Variants in TUBGCP6 observed in about 807,000 individuals in gnomAD.
The protein encoded by TUBGCP6 is gamma-tubulin complex component 6.
Under a neutral mutation model 175.8 loss-of-function variants are expected in TUBGCP6, and 161 were observed. The ratio of observed to expected loss-of-function variants is 0.92; its 90% CI spans 0.81 to 1.04. TUBGCP6 has a LOEUF of 1.04. TUBGCP6 is among the 50% of genes least tolerant of loss of function. The pLI is 0.00. For synonymous variants in TUBGCP6, 1,173 were observed against 1,030.5 expected, an observed-to-expected ratio of 1.14 and a Z score of -2.65; for missense variants, 2,572 against 2,433.0, an observed-to-expected ratio of 1.06 and a Z score of -1.20.
chr22:50,228,642 C>G (rs1282771629), intron 4 of TUBGCP6, among the ~76,000 whole-genome samples: 1 of 152,110 alleles, frequency 6.6e-6, no homozygotes, highest in Non-Finnish European at 1.5e-5. Flanking sequence ...GCTCTGACCC[C>G]TTCTCCACCA....
intron 17 of TUBGCP6, 50 bp from the exon 18 acceptor site, chr22:50,219,841 A>C: frequency 6.2e-7 from 1 of 1,605,292 alleles, no homozygotes. Context: ...CGCTGTCCCC[A>C]CAACCAGCTT....
chr22:50,222,024 T>G lies in TUBGCP6; in HGVS notation c.2484+4A>C, dbSNP rs1482718185. 1.2e-6 allele frequency: 2 copies of G among 1,613,830 alleles called. No individual in the cohort carries two copies. The highest frequency in any genetic ancestry group is 4.5e-5 in the East Asian group (2 of 44,888). On this transcript the variant is annotated splice_donor_region_variant and intron_variant, in intron 15 of 24. Coordinates refer to ENST00000248846, the MANE Select transcript of TUBGCP6 (RefSeq NM_020461.4). ...GGCACCCTGGGTTCCACTCTGCCGC[T>G]TACCTGGGGGTGCACGCTCAAGAGG...
chr22:50,242,445 C>A (rs1195593952), intron 1 of TUBGCP6, among the ~76,000 whole-genome samples: 1 of 151,994 alleles, frequency 6.6e-6, no homozygotes, highest in African/African-American at 2.4e-5. Flanking sequence ...TGCAGTGAGC[C>A]GAGACCACAC....
At chr22:50,226,469 G>T in intron 7 of TUBGCP6, 91 bp from the exon 8 acceptor site, 1 of 1,241,356 alleles carries the variant, frequency 8.1e-7, no homozygotes, top group Non-Finnish European at 1.1e-6. Flanking sequence ...GGGCGTGGCT[G>T]TCAGTGAGGG....
rs13057962 is a variant in TUBGCP6 at position 50,226,981 on chromosome 22, C to T, written c.1491+18G>A. Reference sequence around the variant, plus strand: ...GAGCCCACCAGGCTGACACACTCGGCAGGGACGCACAACTCACGGTGGGAA... The same window carrying T: ...GAGCCCACCAGGCTGACACACTCGGTAGGGACGCACAACTCACGGTGGGAA... On this transcript the variant is annotated intron_variant, in intron 6 of 24. Transcript: ENST00000248846. 1 of 1,609,378 alleles carries T rather than the reference C, an allele frequency of 6.2e-7. No homozygotes were observed. Among genetic ancestry groups the T allele is most frequent in the Non-Finnish European group, 8.5e-7 (1 of 1,178,286 alleles).
At chr22:50,230,821 C>A (rs2064678401) in intron 3 of TUBGCP6, among the ~76,000 whole-genome samples, 1 of 150,168 alleles carries the variant, frequency 6.7e-6, no homozygotes, top group South Asian at 2.1e-4. Context: ...CAGTGGCTCA[C>A]ATCTGTAATC....
Position 50,240,381 on chromosome 22 carries a change from G to A in TUBGCP6, c.742-14C>T, listed in dbSNP as rs774527811. The A allele has an allele frequency of 6.2e-6, 10 of 1,611,080 alleles. No individual in the cohort carries two copies. Among genetic ancestry groups the A allele is most frequent in the Non-Finnish European group, 8.5e-6 (10 of 1,178,936 alleles). On this transcript the variant is annotated splice_polypyrimidine_tract_variant and intron_variant, in intron 1 of 24. Coordinates refer to ENST00000248846, the MANE Select transcript of TUBGCP6 (RefSeq NM_020461.4). ...ACTCGGTGGGACCTGGAGACACAGG[G>A]AAGGGCAAACCGCCACTTATTGCTG...
At chr22:50,232,927 C>T (rs2064712474) in intron 3 of TUBGCP6, among the ~76,000 whole-genome samples, 1 of 152,220 alleles carries the variant, frequency 6.6e-6, no homozygotes, top group African/African-American at 2.4e-5. Flanking sequence ...GATGACACCG[C>T]ATCCAGTGAG....
chr22:50,230,810 G>A (rs965018798), intron 3 of TUBGCP6, among the ~76,000 whole-genome samples: 20 of 149,540 alleles, frequency 1.3e-4, no homozygotes, highest in African/African-American at 2.2e-4. Flanking sequence ...CAGGCTGGAC[G>A]CAGTGGCTCA....
In TUBGCP6 at chr22:50,221,458, T is replaced by C. The variant is rs1228438257; in HGVS notation, c.2901A>G (p.Pro967=). The change falls in exon 16 of 25, where the codon CCA becomes CCG. Residue 967 remains proline (P), a synonymous_variant. Transcript: ENST00000248846. ...LRPAVATSPA[P]GPLQAAECSL... Reference sequence around the variant, plus strand: ...TGCACTCTGCAGCCTGCAGGGGCCCTGGTGCAGGTGAGGTGGCCACAGCTG... The same window carrying C: ...TGCACTCTGCAGCCTGCAGGGGCCCCGGTGCAGGTGAGGTGGCCACAGCTG... 2 of 1,594,052 alleles carry C rather than the reference T, an allele frequency of 1.3e-6. No homozygotes were observed. Among genetic ancestry groups the C allele is most frequent in the Admixed American group, 3.5e-5 (2 of 57,246 alleles).
rs777670358 is a variant in TUBGCP6 at position 50,244,235 on chromosome 22, A to G, written c.225T>C (p.Phe75=). Reference sequence around the variant, plus strand: ...GGCCCAGGCCACCCACTCTCAAGTCAAAGGACAACATGAGGATCTTGTTTC... The same window carrying G: ...GGCCCAGGCCACCCACTCTCAAGTCGAAGGACAACATGAGGATCTTGTTTC... The part of the protein sequence containing the change: ...PARNKILMLS[F]DLRVGGLGPK... Residue 75 remains phenylalanine, a synonymous_variant, in exon 1 of 25, where the codon TTT becomes TTC. Coordinates refer to ENST00000248846, the MANE Select transcript of TUBGCP6 (RefSeq NM_020461.4). 1.4e-4 allele frequency: 223 copies of G among 1,613,354 alleles called. No individual in the cohort carries two copies. The highest frequency in any genetic ancestry group is 1.9e-4 in the Non-Finnish European group (223 of 1,180,044).
intron 1 of TUBGCP6, among the ~76,000 whole-genome samples, chr22:50,240,591 A>C (rs935998057): frequency 6.6e-6 from 1 of 152,266 alleles, no homozygotes; most frequent in Non-Finnish European, 1.5e-5. Context: ...GTAACACATA[A>C]GCCTCAGTGG....
intron 16 of TUBGCP6, 118 bp from the exon 17 acceptor site, chr22:50,220,133 T>C (rs967997005): frequency 6.5e-7 from 1 of 1,549,080 alleles, no homozygotes; most frequent in African/African-American, 1.4e-5. Context: ...GCCCAGGTCC[T>C]GGCTGACAAG....
At chr22:50,226,588 T>TGTGGAGTGGGGGCAGGGTGGGGGGG in intron 7 of TUBGCP6, 145 bp downstream of exon 7, 1 of 544,572 alleles carries the variant, frequency 1.8e-6, no homozygotes, top group Admixed American at 2.7e-5. Context: ...GGGTGGGGGG[T>TGTGGAGTGGGGGCAGGGTGGGGGGG]TGGGGGCTCC....
chr22:50,236,122 T>C (rs1013038198), intron 2 of TUBGCP6, among the ~76,000 whole-genome samples: 3 of 151,700 alleles, frequency 2.0e-5, no homozygotes, highest in African/African-American at 4.8e-5. Context: ...AAGAGATGGA[T>C]ACAGAAAAAA....
In TUBGCP6 at chr22:50,219,149, C is replaced by A. The variant is rs556127470; in HGVS notation, c.4545G>T (p.Ala1515=). Residue 1515 remains alanine, a synonymous_variant, in exon 20 of 25, where the codon GCG becomes GCT. Transcript: ENST00000248846. The part of the protein sequence containing the change: ...DYFFVELHLE[A]HYEALRHFLL... The stretch of plus-strand genomic sequence containing the variant: ...GGAAGTGCCGCAGTGCCTCATAGTG[C>A]GCCTCCAGGTGCAGCTCCACGAAGA... 1 of 1,612,886 alleles carries A rather than the reference C, an allele frequency of 6.2e-7. No individual in the cohort carries two copies. The highest frequency in any genetic ancestry group is 1.1e-5 in the South Asian group (1 of 91,040).
chr22:50,233,642 T>C (rs2064722706), intron 2 of TUBGCP6, 116 bp from the exon 3 acceptor site: 2 of 1,048,632 alleles, frequency 1.9e-6, no homozygotes, highest in Non-Finnish European at 2.8e-6. Flanking sequence ...TTCAAAACAA[T>C]AAACTCTAAG....
rs774598438 is a variant in TUBGCP6, at chr22:50,220,029, A to C, written c.4109-14T>G. The C allele has an allele frequency of 7.4e-6, 12 of 1,612,602 alleles. No individual in the cohort carries two copies. The highest frequency in any genetic ancestry group is 1.7e-5 in the Admixed American group (1 of 59,908). The stretch of plus-strand genomic sequence containing the variant: ...TCCTCCCAGGGCCTGTGTGGACACA[A>C]GTGGACACGAGGGCATCAGGGCCGA... On this transcript the variant is annotated splice_polypyrimidine_tract_variant and intron_variant, in intron 16 of 24. Coordinates refer to ENST00000248846, the MANE Select transcript of TUBGCP6 (RefSeq NM_020461.4).
chr22:50,221,228 G>C lies in TUBGCP6; in HGVS notation c.3131C>G (p.Ala1044Gly), dbSNP rs761362600. The change falls in exon 16 of 25, where the codon GCT (alanine) becomes GGT (glycine). Residue 1044 changes from alanine to glycine, a missense_variant. Transcript: ENST00000248846. Reference protein sequence around the residue: ...LPTGDYASEIAPTRPRWNTHG... With the variant: ...LPTGDYASEIGPTRPRWNTHG... ...GGTGTTCCACCGTGGCCGGGTGGGA[G>C]CTATTTCAGAAGCGTAGTCCCCTGT... The C allele has an allele frequency of 1.2e-6, 2 of 1,614,188 alleles. No homozygotes were observed. The highest frequency in any genetic ancestry group is 1.7e-6 in the Non-Finnish European group (2 of 1,180,042).
Sources: allele counts gnomAD v4.1 joint callset (sites outside exome capture counted in the v4.1 genomes callset), GRCh38; gene constraint gnomAD v4.1.1; transcripts MANE v1.5; gene names NCBI Gene and HGNC (gene_info 2026-07-23, HGNC 2026-07-21).